DENND11: variants seen among roughly 807,000 people sequenced by gnomAD.
DENND11 encodes the protein DENN domain containing 11, also known as DENN domain-containing protein 11.
Under a neutral mutation model 49.2 loss-of-function variants are expected in DENND11, and 34 were observed. The observed-to-expected ratio is 0.69, with a 90% confidence interval of 0.53 to 0.92. The LOEUF (loss-of-function observed/expected upper bound fraction) is 0.92, where lower values mean the gene tolerates loss of function less well. Among genes scored for constraint, DENND11 ranks in the 40% least tolerant of loss-of-function variants. DENND11 has a pLI of 0.00. For missense variants in DENND11, 475 were observed against 581.6 expected (o/e 0.82, Z 1.88); for synonymous variants, 238 against 230.3 (o/e 1.03, Z -0.30).
chr7:141,687,856 A>C (rs1036580690), intron 1 of DENND11, among the ~76,000 whole-genome samples: 2 of 151,382 alleles, frequency 1.3e-5, no homozygotes, highest in South Asian at 2.1e-4. Flanking sequence ...GGATGGTCTC[A>C]ATCTCCTGAC....
intron 6 of DENND11, 37 bp from the exon 7 acceptor site, chr7:141,665,091 C>T (rs769756820): frequency 1.9e-5 from 31 of 1,610,554 alleles, no homozygotes; most frequent in Middle Eastern, 1.6e-4. Flanking sequence ...GGAACCCACC[C>T]GACCCCACTG....
intron 3 of DENND11, among the ~76,000 whole-genome samples, chr7:141,675,126 T>C (rs1019338614): frequency 7.2e-5 from 11 of 152,184 alleles, no homozygotes. Context: ...ATGAATGCTG[T>C]CCTTATAGAA....
At position 141,696,987 on chromosome 7, in the gene DENND11, T is replaced by C. The variant is rs1798424132; in HGVS notation, c.268+4899A>G. ...TCCTGCTGATTTAAAGTCAGCTATA[T>C]GCCAATCCATGGCTGAATTCCAATG... On this transcript the variant is annotated intron_variant, in intron 1 of 8. Coordinates refer to ENST00000536163, the MANE Select transcript of DENND11 (RefSeq NM_001080392.2). Among the ~76,000 whole-genome samples the C allele has an allele frequency of 3.3e-5, 5 of 152,258 alleles. 1 individual carries two copies. The South Asian group carries it at 1.0e-3, about 31-fold the overall frequency.
chr7:141,684,996 A>G (rs912306447), intron 3 of DENND11, among the ~76,000 whole-genome samples: 2 of 132,356 alleles, frequency 1.5e-5, no homozygotes, highest in Admixed American at 8.4e-5. Context: ...GCAATATAGT[A>G]AGAGCCTGTC....
intron 5 of DENND11, 64 bp downstream of exon 5, chr7:141,666,222 GA>G: frequency 6.7e-7 from 1 of 1,493,776 alleles, no homozygotes; most frequent in Non-Finnish European, 9.0e-7. Flanking sequence ...GTCAGTGACA[GA>G]AAGACTCAAG....
chr7:141,659,221 T>C lies in DENND11; in HGVS notation c.*3435A>G, dbSNP rs1039200149. 1 of 152,214 alleles carries C rather than the reference T, an allele frequency of 6.6e-6. No individual in the cohort carries two copies. Among genetic ancestry groups the C allele is most frequent in the African/African-American group, 2.4e-5 (1 of 41,456 alleles). 9.4% of individuals were successfully genotyped at this position (152,214 alleles called of 1,614,324 possible). ...CACAGATGCTATAATGGATGATGGA[T>C]ATGGAAGGCAAAAGCCTTCTAATTC... On this transcript the variant is annotated 3_prime_UTR_variant, in exon 9 of 9. Coordinates refer to ENST00000536163, the MANE Select transcript of DENND11 (RefSeq NM_001080392.2).
Position 141,666,398 on chromosome 7 carries a change from G to T in DENND11, c.709C>A (p.Gln237Lys). The change falls in exon 5 of 9, where the codon CAG becomes AAG. Residue 237 changes from glutamine (Q) to lysine (K), a missense_variant. Physicochemically the swap from Gln to Lys is moderately conservative, Grantham distance 53. Coordinates refer to ENST00000536163, the MANE Select transcript of DENND11 (RefSeq NM_001080392.2). ...TGTTCTCCAAAGAACTTTATAAACT[G>T]AGACATGCAGCCAGCTGGGTGTGTG... ...KITHPAGCMS[Q>K]FIKFFGEQIL... The T allele has an allele frequency of 6.2e-7, 1 of 1,608,712 alleles. No homozygotes were observed. Among genetic ancestry groups the T allele is most frequent in the Non-Finnish European group, 8.5e-7 (1 of 1,175,768 alleles).
rs1454615231 is a variant in DENND11 at position 141,658,972 on chromosome 7, GATTTA to G, written c.*3679_*3683del. On this transcript the variant is annotated 3_prime_UTR_variant, in exon 9 of 9. Transcript: ENST00000536163. ...GAAGGAAAAACAATGATTTAGCTAAGATTTAATTTATCTTCTAGCTAAAGTGTCAT... is the reference window on the plus strand; with the variant it reads ...GAAGGAAAAACAATGATTTAGCTAAGATTTATCTTCTAGCTAAAGTGTCAT... 1.3e-5 allele frequency: 2 copies of G among 152,584 alleles called. No individual in the cohort carries two copies. The highest frequency in any genetic ancestry group is 6.5e-5 in the Admixed American group (1 of 15,282). 9.5% of individuals were successfully genotyped at this position (152,584 alleles called of 1,614,324 possible).
intron 4 of DENND11, among the ~76,000 whole-genome samples, chr7:141,668,240 A>G (rs952963094): frequency 7.2e-5 from 11 of 152,200 alleles, no homozygotes; most frequent in African/African-American, 2.7e-4. Flanking sequence ...ATCCCACTCT[A>G]GGAGAGACAG....
intron 3 of DENND11, among the ~76,000 whole-genome samples, chr7:141,684,892 A>G (rs1798208270): frequency 6.6e-6 from 1 of 150,738 alleles, no homozygotes; most frequent in Non-Finnish European, 1.5e-5. Context: ...TTCTCTTCCT[A>G]TGCCAGGCAC....
Position 141,683,652 on chromosome 7 carries a change from AAACAAC to A in DENND11, c.527+1820_527+1825del, listed in dbSNP as rs372412807. Among the ~76,000 whole-genome samples, 637 of 152,190 alleles carry A rather than the reference AAACAAC, an allele frequency of 4.2e-3. 4 individuals are homozygous for A. The highest frequency in any genetic ancestry group is 0.014 in the African/African-American group (592 of 41,516). ...AGTGAGACTCCATCTCAACAAACAA[AAACAAC>A]AACAACAAAACAAAACAAAACATTT... On this transcript the variant is annotated intron_variant, in intron 3 of 8. Transcript: ENST00000536163.
Position 141,662,438 on chromosome 7 carries a change from C to T in DENND11, c.*218G>A. ...CAGCTCTGGGAGAAAGTGGCAGATT[C>T]CAATATCCTAACATGGCAGGACACA... On this transcript the variant is annotated 3_prime_UTR_variant, in exon 9 of 9. Transcript: ENST00000536163. 2.3e-6 allele frequency: 1 copy of T among 427,974 alleles called. No homozygotes were observed. The allele number at this position is 427,974 out of a possible 1,614,324, so 26.5% of individuals were successfully genotyped here. A position where few individuals can be genotyped will look rare whatever the true frequency, so the allele number is the denominator to read the frequency against.
chr7:141,679,849 A>G (rs1205699815), intron 3 of DENND11, among the ~76,000 whole-genome samples: 2 of 152,206 alleles, frequency 1.3e-5, no homozygotes, highest in African/African-American at 4.8e-5. Flanking sequence ...TATAAGAAAA[A>G]TACAAATTAA....
rs114953394 is a variant in DENND11, at chr7:141,672,404, T to C, written c.681+1663A>G. ...GGTTCTGACTTCCATCCTGCTAGTA[T>C]ACTCTCTTACTGGCTTAGATAAAGC... On this transcript the variant is annotated intron_variant, in intron 4 of 8. Coordinates refer to ENST00000536163, the MANE Select transcript of DENND11 (RefSeq NM_001080392.2). Among the ~76,000 whole-genome samples the C allele has an allele frequency of 4.0e-3, 608 of 152,364 alleles. 4 individuals are homozygous for C. Among genetic ancestry groups the C allele is most frequent in the African/African-American group, 0.014 (565 of 41,592 alleles).
intron 7 of DENND11, 137 bp from the exon 8 acceptor site, chr7:141,664,377 G>A (rs1797853278): frequency 1.5e-6 from 1 of 653,782 alleles, no homozygotes; most frequent in African/African-American, 1.8e-5. Flanking sequence ...AACAGGGTTT[G>A]GACTCAAAAT....
intron 4 of DENND11, among the ~76,000 whole-genome samples, chr7:141,671,269 C>T (rs779182425): frequency 4.6e-5 from 7 of 152,220 alleles, no homozygotes; most frequent in African/African-American, 1.2e-4. Flanking sequence ...TTCTGCCTCC[C>T]GGGTTCAAGC....
intron 3 of DENND11, among the ~76,000 whole-genome samples, chr7:141,682,501 G>A (rs2117069021): frequency 6.6e-6 from 1 of 152,354 alleles, no homozygotes; most frequent in African/African-American, 2.4e-5. Flanking sequence ...TGAGAAGTGA[G>A]ATATGTAAAT....
intron 1 of DENND11, among the ~76,000 whole-genome samples, chr7:141,691,477 C>T (rs1345274364): frequency 6.6e-6 from 1 of 152,240 alleles, no homozygotes; most frequent in Non-Finnish European, 1.5e-5. Flanking sequence ...GTCCCCATTC[C>T]TTAGCCTGGT....
At chr7:141,667,782 T>C (rs13247859) in intron 4 of DENND11, among the ~76,000 whole-genome samples, 17,214 of 152,230 alleles carry the variant, frequency 0.11, 1,378 homozygotes, top group East Asian at 0.35. Flanking sequence ...TCCGAAGCTG[T>C]GTCTGCACTA....
Sources: gnomAD v4.1 joint callset for allele counts (sites outside exome capture counted in the v4.1 genomes callset) on GRCh38, gnomAD v4.1.1 for gene constraint, MANE v1.5 for transcripts, NCBI Gene and HGNC (gene_info 2026-07-23, HGNC 2026-07-21) for gene names.